SDK1: variants seen among roughly 807,000 people sequenced by gnomAD.
SDK1 encodes the protein protein sidekick-1.
A neutral mutation model predicts 245.5 loss-of-function variants in SDK1; 157 were observed. The observed-to-expected ratio is 0.64, with a 90% CI of 0.56 to 0.73. SDK1 has a LOEUF of 0.73. Ranked by LOEUF, SDK1 falls within the 30% of genes least tolerant of loss-of-function variation. The pLI is 0.00. For missense variants in SDK1, 3,583 were observed against 3,002.3 expected (o/e 1.19, Z -4.52); for synonymous variants, 1,647 against 1,278.5 (o/e 1.29, Z -6.15).
At position 3,363,945 on chromosome 7, in the gene SDK1, A is replaced by C. The variant is rs1399598279; in HGVS notation, c.298+62061A>C. On this transcript the variant is annotated intron_variant, in intron 1 of 44. Coordinates refer to ENST00000404826, the MANE Select transcript of SDK1 (RefSeq NM_152744.4). The stretch of plus-strand genomic sequence containing the variant: ...AAATGTGTGAATGTGATCCAGTTTC[A>C]CATCCTCATCATTATTTGGTGTTAC... Among the ~76,000 whole-genome samples the C allele has an allele frequency of 2.0e-5, 3 of 152,182 alleles. No homozygotes were observed. In the South Asian group the frequency reaches 6.2e-4, roughly 32 times the overall value.
chr7:3,666,437 T>C (rs762451734), intron 4 of SDK1, among the ~76,000 whole-genome samples: 4 of 152,196 alleles, frequency 2.6e-5, no homozygotes, highest in Admixed American at 6.5e-5. Flanking sequence ...ATTTCAGATC[T>C]CATCACTTTC....
intron 44 of SDK1, among the ~76,000 whole-genome samples, chr7:4,249,048 C>A (rs1787121991): frequency 6.7e-6 from 1 of 148,428 alleles, no homozygotes. Flanking sequence ...TGCATATACA[C>A]CTAAATACAA....
At chr7:3,608,374 G>A (rs1439326360) in intron 1 of SDK1, among the ~76,000 whole-genome samples, 2 of 152,180 alleles carry the variant, frequency 1.3e-5, no homozygotes, top group African/African-American at 4.8e-5. Flanking sequence ...ATTTTTACTT[G>A]AAGTAGTGAC....
At chr7:3,331,207 T>C (rs186244941) in intron 1 of SDK1, among the ~76,000 whole-genome samples, 4 of 152,224 alleles carry the variant, frequency 2.6e-5, no homozygotes, top group Admixed American at 6.5e-5. Context: ...GAGATTGCAG[T>C]GAGCCGAGAT....
intron 35 of SDK1, among the ~76,000 whole-genome samples, chr7:4,205,522 G>A (rs1342740318): frequency 2.6e-5 from 4 of 152,180 alleles, no homozygotes; most frequent in Non-Finnish European, 5.9e-5. Flanking sequence ...CAAGAAGCAC[G>A]TGGATTACGA....
intron 1 of SDK1, among the ~76,000 whole-genome samples, chr7:3,427,185 G>T (rs896901086): frequency 2.6e-5 from 4 of 152,124 alleles, no homozygotes; most frequent in African/African-American, 9.7e-5. Context: ...TGATAAATAT[G>T]TATGGAAATG....
intron 4 of SDK1, among the ~76,000 whole-genome samples, chr7:3,666,656 G>A (rs1352142548): frequency 5.9e-5 from 9 of 151,950 alleles, no homozygotes; most frequent in Non-Finnish European, 8.8e-5. Context: ...TGCCTTGTGC[G>A]TCGTTGGCGA....
chr7:3,314,068 T>C (rs938236641), intron 1 of SDK1, among the ~76,000 whole-genome samples: 4 of 152,146 alleles, frequency 2.6e-5, no homozygotes, highest in African/African-American at 9.7e-5. Flanking sequence ...CACCAAAAAA[T>C]ACAGCGCCAA....
chr7:3,430,251 G>C (rs1287043084), intron 1 of SDK1, among the ~76,000 whole-genome samples: 1 of 152,184 alleles, frequency 6.6e-6, no homozygotes. Context: ...ATGCACTCCA[G>C]GTGCAGTTTC....
chr7:3,703,168 A>G (rs369805905), intron 4 of SDK1, among the ~76,000 whole-genome samples: 22 of 152,256 alleles, frequency 1.4e-4, no homozygotes, highest in African/African-American at 5.3e-4. Flanking sequence ...GCTTCTGGAC[A>G]TTCTAGAAGC....
intron 35 of SDK1, among the ~76,000 whole-genome samples, chr7:4,190,903 G>A (rs558348110): frequency 1.3e-5 from 2 of 152,342 alleles, no homozygotes; most frequent in South Asian, 4.1e-4. Context: ...GGGCCGGAGG[G>A]TGGAGGGCGG....
intron 4 of SDK1, among the ~76,000 whole-genome samples, chr7:3,752,011 A>T (rs1358835318): frequency 6.6e-6 from 1 of 152,226 alleles, no homozygotes. Context: ...CTTTCAGCCA[A>T]TGGGAAAAGT....
At chr7:3,642,449 A>G (rs1160852198) in intron 4 of SDK1, among the ~76,000 whole-genome samples, 1 of 152,132 alleles carries the variant, frequency 6.6e-6, no homozygotes, top group Non-Finnish European at 1.5e-5. Context: ...TACTAATTTA[A>G]TGAGTGCTGG....
intron 5 of SDK1, among the ~76,000 whole-genome samples, chr7:3,828,208 G>T (rs1241304900): frequency 2.6e-5 from 4 of 152,022 alleles, no homozygotes; most frequent in Admixed American, 6.6e-5. Flanking sequence ...AACCTGGGAA[G>T]TGAAGGCTGC....
At chr7:4,015,290 T>A (rs983143186) in intron 16 of SDK1, among the ~76,000 whole-genome samples, 1 of 152,298 alleles carries the variant, frequency 6.6e-6, no homozygotes, top group Non-Finnish European at 1.5e-5. Context: ...TTCCCTGGAA[T>A]GTGCATTGTG....
chr7:3,716,622 G>T (rs114176905), intron 4 of SDK1, among the ~76,000 whole-genome samples: 1 of 151,838 alleles, frequency 6.6e-6, no homozygotes, highest in Non-Finnish European at 1.5e-5. Flanking sequence ...TTAGCCAGGC[G>T]TGGTGCACAC....
intron 4 of SDK1, among the ~76,000 whole-genome samples, chr7:3,728,311 C>T (rs775191473): frequency 6.6e-5 from 10 of 152,228 alleles, no homozygotes; most frequent in African/African-American, 9.6e-5. Flanking sequence ...AGGGTTCACT[C>T]CTTCTGGGTA....
chr7:4,003,189 C>G (rs539131459), intron 14 of SDK1, among the ~76,000 whole-genome samples: 71 of 152,396 alleles, frequency 4.7e-4, no homozygotes, highest in Non-Finnish European at 9.1e-4. Context: ...CTGCTCTTCT[C>G]ATGCAAAACA....
intron 1 of SDK1, among the ~76,000 whole-genome samples, chr7:3,489,579 G>A (rs947224137): frequency 6.6e-6 from 1 of 152,284 alleles, no homozygotes; most frequent in East Asian, 1.9e-4. Flanking sequence ...ATAATGAAAG[G>A]TGCATATCTG....
Sources: allele counts gnomAD v4.1 joint callset (sites outside exome capture counted in the v4.1 genomes callset), GRCh38; gene constraint gnomAD v4.1.1; transcripts MANE v1.5; gene names NCBI Gene and HGNC (gene_info 2026-07-23, HGNC 2026-07-21).